Variants in FSTL5 observed in about 807,000 individuals in gnomAD.
The protein encoded by FSTL5 is follistatin-related protein 5.
In FSTL5, 62 loss-of-function variants were observed where a neutral mutation model predicts 89.1. That is an observed-to-expected ratio of 0.70 (90% CI 0.57 to 0.86). FSTL5 has a LOEUF of 0.86. Among genes scored for constraint, FSTL5 ranks in the 40% least tolerant of loss-of-function variants. FSTL5 has a pLI of 0.00. For missense variants in FSTL5, 1,057 were observed against 1,001.6 expected, an observed-to-expected ratio of 1.06 and a Z score of -0.75; for synonymous variants, 383 against 346.2, an observed-to-expected ratio of 1.11 and a Z score of -1.18.
At position 161,538,180 on chromosome 4, in the gene FSTL5, G is replaced by C. The variant is rs1295735530; in HGVS notation, c.1298C>G (p.Ser433Cys). 6.2e-7 allele frequency: 1 copy of C among 1,613,944 alleles called. No homozygotes were observed. Among genetic ancestry groups the C allele is most frequent in the Non-Finnish European group, 8.5e-7 (1 of 1,179,910 alleles). The change falls in exon 10 of 16, where the codon TCT (serine) becomes TGT (cysteine). Residue 433 changes from serine (S) to cysteine (C), a missense_variant. This residue lies in a region of FSTL5 where 980 missense variants were observed against 903.2 expected (regional missense o/e 1.08). Transcript: ENST00000306100. ...EDISSLFVED[S>C]ARKTLANILW... Reference sequence around the variant, plus strand: ...TCTATACATACGGGTCTTTCTAGCAGAGTCTTCCACAAAAAGAGAAGAGAT... The same window carrying C: ...TCTATACATACGGGTCTTTCTAGCACAGTCTTCCACAAAAAGAGAAGAGAT...
intron 3 of FSTL5, among the ~76,000 whole-genome samples, chr4:161,950,347 T>C (rs1353028614): frequency 9.2e-5 from 14 of 152,198 alleles, no homozygotes; most frequent in Non-Finnish European, 1.9e-4. Context: ...ATTGATGGCA[T>C]TTAGGTGCTT....
chr4:161,765,523 AT>A (rs1330036432), intron 5 of FSTL5, among the ~76,000 whole-genome samples: 1 of 152,184 alleles, frequency 6.6e-6, no homozygotes, highest in Admixed American at 6.5e-5. Context: ...AACATTTGTA[AT>A]GATTTTTAAA....
chr4:161,705,550 C>G (rs1019893395), intron 6 of FSTL5, among the ~76,000 whole-genome samples: 1 of 151,856 alleles, frequency 6.6e-6, no homozygotes, highest in Non-Finnish European at 1.5e-5. Context: ...AAGGAAATTT[C>G]TTTTTTTCTT....
chr4:161,858,932 A>C (rs1731813231), intron 4 of FSTL5, among the ~76,000 whole-genome samples: 1 of 152,160 alleles, frequency 6.6e-6, no homozygotes, highest in South Asian at 2.1e-4. Flanking sequence ...CTGGGAAAAA[A>C]AAATCTCATA....
At chr4:161,999,448 C>T (rs972133524) in intron 3 of FSTL5, among the ~76,000 whole-genome samples, 1 of 152,058 alleles carries the variant, frequency 6.6e-6, no homozygotes, top group African/African-American at 2.4e-5. Context: ...CAATAATATA[C>T]ATTTATATTG....
chr4:161,700,157 T>C (rs926108418), intron 6 of FSTL5, among the ~76,000 whole-genome samples: 3 of 152,308 alleles, frequency 2.0e-5, no homozygotes, highest in South Asian at 4.1e-4. Context: ...TGTATAAAAA[T>C]CAATATATCT....
intron 6 of FSTL5, among the ~76,000 whole-genome samples, chr4:161,744,949 T>C (rs1339325687): frequency 4.0e-5 from 6 of 151,860 alleles, no homozygotes; most frequent in Non-Finnish European, 8.8e-5. Flanking sequence ...ATAAAATTAG[T>C]TTTAGGGATA....
chr4:161,902,114 C>A (rs1411085531), intron 4 of FSTL5, among the ~76,000 whole-genome samples: 3 of 152,124 alleles, frequency 2.0e-5, no homozygotes, highest in African/African-American at 7.2e-5. Context: ...TACTTACCAA[C>A]TTTATATTAT....
Position 162,121,360 on chromosome 4 carries a change from G to C in FSTL5, c.-16-9948C>G, listed in dbSNP as rs1731855110. Among the ~76,000 whole-genome samples, 6 of 152,014 alleles carry C rather than the reference G, an allele frequency of 3.9e-5. No individual in the cohort carries two copies. In the South Asian group the frequency reaches 1.2e-3, roughly 32 times the overall value. On this transcript the variant is annotated intron_variant, in intron 1 of 15. Coordinates refer to ENST00000306100, the MANE Select transcript of FSTL5 (RefSeq NM_020116.5). ...CCAAAAAAGCAATACAACATATAGT[G>C]ACTCATTTTTTACCTCTCAAAACAA...
chr4:161,788,877 G>A (rs958839409), intron 4 of FSTL5, among the ~76,000 whole-genome samples: 11 of 152,242 alleles, frequency 7.2e-5, no homozygotes, highest in Middle Eastern at 3.4e-3. Context: ...CAGCCTGAGT[G>A]ACAGTTCAAG....
intron 4 of FSTL5, among the ~76,000 whole-genome samples, chr4:161,865,022 C>T (rs1005304776): frequency 2.6e-5 from 4 of 151,858 alleles, no homozygotes; most frequent in Admixed American, 6.6e-5. Context: ...ATCAGAGATA[C>T]GCAGAGTTAC....
intron 3 of FSTL5, among the ~76,000 whole-genome samples, chr4:161,963,439 A>G (rs187459445): frequency 4.6e-5 from 7 of 152,058 alleles, no homozygotes; most frequent in Admixed American, 4.6e-4. Context: ...GGTTGCTGCA[A>G]CTGAAATACT....
intron 4 of FSTL5, among the ~76,000 whole-genome samples, chr4:161,842,500 A>G (rs949028122): frequency 6.6e-6 from 1 of 152,180 alleles, no homozygotes; most frequent in Non-Finnish European, 1.5e-5. Flanking sequence ...CATACATTTT[A>G]TTTCAAGTCT....
intron 4 of FSTL5, among the ~76,000 whole-genome samples, chr4:161,860,629 A>T (rs184408258): frequency 3.9e-5 from 6 of 152,324 alleles, no homozygotes; most frequent in African/African-American, 1.4e-4. Flanking sequence ...TCCTATGGAT[A>T]TGTAAAAATT....
At chr4:161,497,817 TG>T (rs2126480342) in intron 12 of FSTL5, among the ~76,000 whole-genome samples, 1 of 152,064 alleles carries the variant, frequency 6.6e-6, no homozygotes, top group East Asian at 1.9e-4. Context: ...TCGCCGTTGG[TG>T]TATGTTTGTG....
intron 13 of FSTL5, among the ~76,000 whole-genome samples, chr4:161,470,819 T>G (rs766522349): frequency 5.9e-5 from 9 of 152,118 alleles, no homozygotes; most frequent in Non-Finnish European, 1.2e-4. Flanking sequence ...TTTGTTAATC[T>G]CTACGTATTT....
In FSTL5 at chr4:161,719,621, C is replaced by T. The variant is rs768557286; in HGVS notation, c.727+39790G>A. 3.2e-4 allele frequency among the ~76,000 whole-genome samples: 48 copies of T among 152,162 alleles called. 1 individual carries two copies. Among genetic ancestry groups the T allele is most frequent in the Non-Finnish European group, 6.2e-4 (42 of 67,974 alleles). On this transcript the variant is annotated intron_variant, in intron 6 of 15. Transcript: ENST00000306100. ...TCTTCCAATCCATGATCACAAGATTCCTTTCCTTTTATGTGTGTCCGCTTT... is the reference window on the plus strand; with the variant it reads ...TCTTCCAATCCATGATCACAAGATTTCTTTCCTTTTATGTGTGTCCGCTTT...
intron 2 of FSTL5, among the ~76,000 whole-genome samples, chr4:162,075,808 G>A (rs994042743): frequency 6.6e-6 from 1 of 151,762 alleles, no homozygotes; most frequent in Non-Finnish European, 1.5e-5. Context: ...AGTGGTGATC[G>A]GTTAAAAACT....
At position 161,407,798 on chromosome 4, in the gene FSTL5, T is replaced by C. The variant is rs1417112828; in HGVS notation, c.1842-21349A>G. On this transcript the variant is annotated intron_variant, in intron 15 of 15. Coordinates refer to ENST00000306100, the MANE Select transcript of FSTL5 (RefSeq NM_020116.5). ...GGGTCCTGGCTGCCTCATAGGAACA[T>C]GTATATAGTGCAGCCTCCACTGCCC... Among the ~76,000 whole-genome samples, 3 of 151,786 alleles carry C rather than the reference T, an allele frequency of 2.0e-5. No individual in the cohort carries two copies. The East Asian group carries it at 5.8e-4, about 29-fold the overall frequency.
Sources: allele counts gnomAD v4.1 joint callset (sites outside exome capture counted in the v4.1 genomes callset), GRCh38; gene constraint gnomAD v4.1.1; regional missense constraint gnomAD v4.1.1; transcripts MANE v1.5; gene names NCBI Gene and HGNC (gene_info 2026-07-23, HGNC 2026-07-21).